GPC5: variants seen among roughly 807,000 people sequenced by gnomAD.
GPC5 encodes glypican-5.
Under a neutral mutation model 53.9 loss-of-function variants are expected in GPC5, and 47 were observed. The ratio of observed to expected loss-of-function variants is 0.87; its 90% CI spans 0.69 to 1.11. The LOEUF (loss-of-function observed/expected upper bound fraction) is 1.11, where lower values mean the gene tolerates loss of function less well. Among genes scored for constraint, GPC5 ranks in the 50% most tolerant of loss-of-function variants. GPC5 has a pLI of 0.00. For missense variants in GPC5, 748 were observed against 713.1 expected (o/e 1.05, Z -0.56); for synonymous variants, 286 against 263.3 (o/e 1.09, Z -0.84).
At chr13:91,969,846 CA>C (rs2040224167) in intron 6 of GPC5, among the ~76,000 whole-genome samples, 1 of 151,282 alleles carries the variant, frequency 6.6e-6, no homozygotes, top group Non-Finnish European at 1.5e-5. Context: ...ATCTGTTGTA[CA>C]AAAAAACAAA....
At chr13:91,468,463 A>G (rs929644904) in intron 2 of GPC5, among the ~76,000 whole-genome samples, 4 of 152,194 alleles carry the variant, frequency 2.6e-5, no homozygotes, top group African/African-American at 9.6e-5. Context: ...GTGGCCTTAT[A>G]TAAAAGAGGA....
At chr13:91,474,828 C>T (rs79601319) in intron 2 of GPC5, among the ~76,000 whole-genome samples, 10,348 of 117,264 alleles carry the variant, frequency 0.088, 420 homozygotes, top group Non-Finnish European at 0.13. Context: ...AAAATATGAT[C>T]GACAAGGTAT....
At chr13:92,767,147 T>A (rs1472233566) in intron 7 of GPC5, among the ~76,000 whole-genome samples, 2 of 152,160 alleles carry the variant, frequency 1.3e-5, no homozygotes, top group Admixed American at 1.3e-4. Context: ...GTTTGTTTGT[T>A]TGTTTTTCTC....
intron 7 of GPC5, among the ~76,000 whole-genome samples, chr13:92,502,298 G>T (rs557183692): frequency 3.4e-4 from 51 of 151,660 alleles, no homozygotes; most frequent in Non-Finnish European, 6.9e-4. Flanking sequence ...AATAAGAAAA[G>T]ATGAATAAAG....
At chr13:92,699,325 T>C (rs929070694) in intron 7 of GPC5, among the ~76,000 whole-genome samples, 2 of 152,184 alleles carry the variant, frequency 1.3e-5, no homozygotes, top group African/African-American at 4.8e-5. Context: ...TCTTTTCTTC[T>C]TTATAAGTCT....
At chr13:91,863,418 G>C (rs74106560) in intron 5 of GPC5, among the ~76,000 whole-genome samples, 2,422 of 152,154 alleles carry the variant, frequency 0.016, 57 homozygotes, top group African/African-American at 0.055. Flanking sequence ...CCCTCAAATA[G>C]ATAGTTTTAT....
At chr13:91,434,872 G>T (rs2139039481) in intron 1 of GPC5, among the ~76,000 whole-genome samples, 1 of 152,228 alleles carries the variant, frequency 6.6e-6, no homozygotes, top group South Asian at 2.1e-4. Flanking sequence ...TTGAGCAGTG[G>T]TTTGTAGTTC....
chr13:91,952,554 C>T (rs2040037040), intron 6 of GPC5, among the ~76,000 whole-genome samples: 1 of 152,020 alleles, frequency 6.6e-6, no homozygotes, highest in African/African-American at 2.4e-5. Context: ...GATATATAAA[C>T]AAACCAGAAA....
intron 1 of GPC5, among the ~76,000 whole-genome samples, chr13:91,415,136 A>G (rs1878100198): frequency 1.3e-5 from 2 of 152,126 alleles, no homozygotes; most frequent in Admixed American, 1.3e-4. Context: ...CATGCTAACA[A>G]TTGAAGGCTC....
Position 92,751,302 on chromosome 13 carries a change from T to TAAAAAAAAAAAAAAAAAAAAAAAAAAA in GPC5, c.1562-114980_1562-114979insAAAAAAAAAAAAAAAAAAAAAAAAAAA, listed in dbSNP as rs1566400471. Among the ~76,000 whole-genome samples, 23 of 34,424 alleles carry TAAAAAAAAAAAAAAAAAAAAAAAAAAA rather than the reference T, an allele frequency of 6.7e-4. 6 individuals are homozygous for TAAAAAAAAAAAAAAAAAAAAAAAAAAA. The highest frequency in any genetic ancestry group is 1.3e-3 in the African/African-American group (13 of 9,804). 22.6% of individuals were successfully genotyped at this position (34,424 alleles called of 152,430 possible). A position where few individuals can be genotyped will look rare whatever the true frequency, so the allele number is the denominator to read the frequency against. On this transcript the variant is annotated intron_variant, in intron 7 of 7. Transcript: ENST00000377067. Reference sequence around the variant, plus strand: ...AAAACCTTTGGTCATCCAGAAACATTTAAAAAAAAAAAAAAAAAAAAAAAA... The same window carrying TAAAAAAAAAAAAAAAAAAAAAAAAAAA: ...AAAACCTTTGGTCATCCAGAAACATTAAAAAAAAAAAAAAAAAAAAAAAAAAATAAAAAAAAAAAAAAAAAAAAAAAA...
intron 7 of GPC5, among the ~76,000 whole-genome samples, chr13:92,662,990 G>T (rs1352037783): frequency 6.6e-6 from 1 of 152,106 alleles, no homozygotes. Context: ...AACCACTTTT[G>T]TTAAGAACCA....
At chr13:92,177,772 T>TGA (rs1474166344) in intron 7 of GPC5, among the ~76,000 whole-genome samples, 2 of 152,202 alleles carry the variant, frequency 1.3e-5, no homozygotes, top group Non-Finnish European at 2.9e-5. Context: ...ATTCCTACCT[T>TGA]GAGAAGACTA....
intron 7 of GPC5, among the ~76,000 whole-genome samples, chr13:92,153,894 G>T (rs1003100528): frequency 1.1e-4 from 16 of 152,206 alleles, no homozygotes; most frequent in South Asian, 4.1e-4. Context: ...ACAAATTTTT[G>T]CTTCCTTATC....
intron 7 of GPC5, among the ~76,000 whole-genome samples, chr13:92,553,169 T>C (rs550234158): frequency 7.9e-5 from 12 of 152,102 alleles, no homozygotes; most frequent in African/African-American, 2.6e-4. Context: ...TATCAATAAA[T>C]ACAACCTTCA....
intron 2 of GPC5, among the ~76,000 whole-genome samples, chr13:91,554,686 G>C (rs1319792207): frequency 1.3e-5 from 2 of 152,050 alleles, no homozygotes; most frequent in Non-Finnish European, 2.9e-5. Context: ...GCAAGTGCTG[G>C]GTCCTTCTGT....
At chr13:91,437,225 C>T (rs1209378249) in intron 1 of GPC5, among the ~76,000 whole-genome samples, 3 of 152,002 alleles carry the variant, frequency 2.0e-5, no homozygotes, top group African/African-American at 4.8e-5. Flanking sequence ...TTTGATCCTG[C>T]CATTATGATG....
At chr13:91,942,743 A>G (rs534630917) in intron 6 of GPC5, among the ~76,000 whole-genome samples, 1 of 152,252 alleles carries the variant, frequency 6.6e-6, no homozygotes, top group East Asian at 1.9e-4. Context: ...TGTGTTAGAT[A>G]TATAATTTAA....
intron 6 of GPC5, among the ~76,000 whole-genome samples, chr13:92,126,475 A>T (rs1302633198): frequency 6.6e-6 from 1 of 152,180 alleles, no homozygotes; most frequent in African/African-American, 2.4e-5. Flanking sequence ...GTAATAAGTA[A>T]TGTGGGAAAA....
At chr13:91,713,432 C>T (rs971334947) in intron 3 of GPC5, among the ~76,000 whole-genome samples, 1 of 151,912 alleles carries the variant, frequency 6.6e-6, no homozygotes, top group African/African-American at 2.4e-5. Flanking sequence ...AATATAAAAC[C>T]GAACGTGGAA....
Sources: allele counts gnomAD v4.1 joint callset (sites outside exome capture counted in the v4.1 genomes callset), GRCh38; gene constraint gnomAD v4.1.1; transcripts MANE v1.5; gene names NCBI Gene and HGNC (gene_info 2026-07-23, HGNC 2026-07-21).